TBL1XR1: variants seen among roughly 807,000 people sequenced by gnomAD.
TBL1XR1 encodes F-box-like/WD repeat-containing protein TBL1XR1.
In TBL1XR1, 5 loss-of-function variants were observed where a neutral mutation model predicts 66.9. The observed-to-expected ratio is 0.07, with a 90% confidence interval of 0.04 to 0.16. TBL1XR1 has a LOEUF of 0.16. Among genes scored for constraint, TBL1XR1 ranks in the 10% least tolerant of loss-of-function variants. The pLI is 1.00. For missense variants in TBL1XR1, 238 were observed against 623.2 expected, an observed-to-expected ratio of 0.38 and a Z score of 6.58; for synonymous variants, 210 against 206.0, an observed-to-expected ratio of 1.02 and a Z score of -0.17.
intron 1 of TBL1XR1, among the ~76,000 whole-genome samples, chr3:177,125,758 T>C (rs913629588): frequency 6.6e-5 from 10 of 152,288 alleles, no homozygotes; most frequent in African/African-American, 2.4e-4. Flanking sequence ...AAATAGCTCA[T>C]TTATTTATTC....
At chr3:177,167,368 A>C (rs1560253340) in intron 1 of TBL1XR1, among the ~76,000 whole-genome samples, 1 of 152,200 alleles carries the variant, frequency 6.6e-6, no homozygotes, top group Admixed American at 6.5e-5. Context: ...AAAAATGTTT[A>C]GGGCAGTGAA....
intron 15 of TBL1XR1, chr3:177,026,098 T>C: frequency 2.3e-6 from 1 of 436,848 alleles, no homozygotes; most frequent in South Asian, 3.2e-5. Flanking sequence ...TCTCAGAATG[T>C]TCCTCTGGTA....
At chr3:177,140,268 C>A (rs1287747796) in intron 1 of TBL1XR1, among the ~76,000 whole-genome samples, 1 of 152,140 alleles carries the variant, frequency 6.6e-6, no homozygotes, top group Non-Finnish European at 1.5e-5. Context: ...CCACTGCACT[C>A]CAGCCTGGGT....
At position 177,025,347 on chromosome 3, in the gene TBL1XR1, T is replaced by C; in HGVS notation, c.*151A>G. On this transcript the variant is annotated 3_prime_UTR_variant, in exon 16 of 16. Transcript: ENST00000457928. The stretch of plus-strand genomic sequence containing the variant: ...CTGTCATCTTCAGGGTGCAATTTTG[T>C]TTATATACACTGTATGTATATATTT... 1 of 590,030 alleles carries C rather than the reference T, an allele frequency of 1.7e-6. No individual in the cohort carries two copies. Among genetic ancestry groups the C allele is most frequent in the Non-Finnish European group, 2.7e-6 (1 of 364,676 alleles). 36.5% of individuals were successfully genotyped at this position (590,030 alleles called of 1,614,324 possible). A position where few individuals can be genotyped will look rare whatever the true frequency, so the allele number is the denominator to read the frequency against.
rs1712080861 is a variant in TBL1XR1 at position 177,019,359 on chromosome 3, C to CT, written c.*6138dup. ...GAAACATTAGTAATTGTCTTCTGTACTTTACTAAACACTTTGTGTTTAATA... is the reference window on the plus strand; with the variant it reads ...GAAACATTAGTAATTGTCTTCTGTACTTTTACTAAACACTTTGTGTTTAATA... On this transcript the variant is annotated 3_prime_UTR_variant, in exon 16 of 16. Transcript: ENST00000457928. 2.0e-5 allele frequency: 3 copies of CT among 152,100 alleles called. No homozygotes were observed. Among genetic ancestry groups the CT allele is most frequent in the Admixed American group, 2.0e-4 (3 of 15,284 alleles). The allele number at this position is 152,100 out of a possible 1,614,324, so 9.4% of individuals were successfully genotyped here.
At chr3:177,159,069 A>C (rs1340322729) in intron 1 of TBL1XR1, among the ~76,000 whole-genome samples, 1 of 152,176 alleles carries the variant, frequency 6.6e-6, no homozygotes, top group Non-Finnish European at 1.5e-5. Context: ...ATGTAAAAAG[A>C]ACAAGAAGAA....
intron 2 of TBL1XR1, among the ~76,000 whole-genome samples, chr3:177,091,863 GAA>G (rs1272124932): frequency 6.6e-6 from 1 of 152,112 alleles, no homozygotes; most frequent in Non-Finnish European, 1.5e-5. Context: ...ATCTGTTGGG[GAA>G]AGTTTCTCTT....
At chr3:177,114,080 A>G (rs1328786475) in intron 1 of TBL1XR1, among the ~76,000 whole-genome samples, 1 of 152,200 alleles carries the variant, frequency 6.6e-6, no homozygotes, top group African/African-American at 2.4e-5. Context: ...CAATTTGACT[A>G]AAGTTAAAAA....
chr3:177,094,609 G>A (rs1369498576), intron 2 of TBL1XR1, among the ~76,000 whole-genome samples: 3 of 152,136 alleles, frequency 2.0e-5, no homozygotes, highest in South Asian at 2.1e-4. Context: ...TGTGGTATGT[G>A]TATATACACC....
At chr3:177,127,702 C>G (rs1727810353) in intron 1 of TBL1XR1, among the ~76,000 whole-genome samples, 1 of 152,148 alleles carries the variant, frequency 6.6e-6, no homozygotes, top group Non-Finnish European at 1.5e-5. Flanking sequence ...AGGAAGAATT[C>G]ACTGTCTGAA....
intron 1 of TBL1XR1, among the ~76,000 whole-genome samples, chr3:177,153,464 C>T (rs1166802561): frequency 6.6e-6 from 1 of 152,054 alleles, no homozygotes. Context: ...AAATAATATC[C>T]AGTGTTTACA....
At position 177,129,255 on chromosome 3, in the gene TBL1XR1, A is replaced by G. The variant is rs80110865; in HGVS notation, c.-121-30714T>C. ...GATGAAGAAAACAATTACAACTCAT[A>G]TCTGAGACAATCAGCTTCCTTTACA... On this transcript the variant is annotated intron_variant, in intron 1 of 15. Transcript: ENST00000457928. Among the ~76,000 whole-genome samples, 408 of 152,348 alleles carry G rather than the reference A, an allele frequency of 2.7e-3. 10 individuals carry two copies. In the East Asian group the frequency reaches 0.071, roughly 27 times the overall value.
intron 1 of TBL1XR1, among the ~76,000 whole-genome samples, chr3:177,194,444 A>G (rs937502376): frequency 6.6e-6 from 1 of 152,002 alleles, no homozygotes; most frequent in African/African-American, 2.4e-5. Flanking sequence ...ATTCTTCTTT[A>G]TTCTTTTTAT....
intron 1 of TBL1XR1, chr3:177,131,399 G>A (rs1728275262): frequency 2.0e-6 from 2 of 984,884 alleles, no homozygotes; most frequent in South Asian, 4.7e-5. Context: ...TGCCTCCTGA[G>A]CTCAATACTG....
chr3:177,027,096 A>G (rs1713246130), intron 14 of TBL1XR1: 1 of 152,156 alleles, frequency 6.6e-6, no homozygotes, highest in South Asian at 2.1e-4. Flanking sequence ...CCTGGGCTAG[A>G]GTGATCCTCC....
chr3:177,121,542 A>C (rs1726974990), intron 1 of TBL1XR1, among the ~76,000 whole-genome samples: 2 of 152,206 alleles, frequency 1.3e-5, no homozygotes, highest in South Asian at 4.1e-4. Flanking sequence ...CAATTTTTTT[A>C]GCCAGACTAA....
At chr3:177,185,248 C>A (rs1219002302) in intron 1 of TBL1XR1, among the ~76,000 whole-genome samples, 1 of 152,204 alleles carries the variant, frequency 6.6e-6, no homozygotes, top group African/African-American at 2.4e-5. Flanking sequence ...TATATAAATA[C>A]ACACATACTC....
intron 2 of TBL1XR1, among the ~76,000 whole-genome samples, chr3:177,090,334 CAAAAT>C (rs1722667030): frequency 6.6e-6 from 1 of 151,924 alleles, no homozygotes; most frequent in Non-Finnish European, 1.5e-5. Context: ...GATTATAAAA[CAAAAT>C]AAAAACAAAT....
At chr3:177,168,213 A>G (rs1733053704) in intron 1 of TBL1XR1, among the ~76,000 whole-genome samples, 1 of 152,234 alleles carries the variant, frequency 6.6e-6, no homozygotes, top group Admixed American at 6.5e-5. Flanking sequence ...TTAGGTACAC[A>G]AAATTCTAAG....
Sources: allele counts gnomAD v4.1 joint callset (sites outside exome capture counted in the v4.1 genomes callset), GRCh38; gene constraint gnomAD v4.1.1; transcripts MANE v1.5; gene names NCBI Gene and HGNC (gene_info 2026-07-23, HGNC 2026-07-21).